Variants in NLGN1 observed in about 807,000 individuals in gnomAD.
NLGN1 encodes the protein neuroligin 1.
Under a neutral mutation model 65.5 loss-of-function variants are expected in NLGN1, and 12 were observed. The ratio of observed to expected loss-of-function variants is 0.18; its 90% confidence interval spans 0.12 to 0.30. NLGN1 has a LOEUF of 0.30. Ranked by LOEUF, NLGN1 falls within the 10% of genes least tolerant of loss-of-function variation. The pLI, the probability that NLGN1 is intolerant of heterozygous loss-of-function variation, is 1.00. For synonymous variants in NLGN1, 350 were observed against 359.5 expected (o/e 0.97, Z 0.30); for missense variants, 750 against 1,007.1 (o/e 0.74, Z 3.46).
intron 4 of NLGN1, among the ~76,000 whole-genome samples, chr3:174,080,640 G>A (rs1245088626): frequency 3.3e-5 from 5 of 151,922 alleles, no homozygotes; most frequent in African/African-American, 4.8e-5. Context: ...CTTACCAGTC[G>A]TTCCGAGAAG....
intron 3 of NLGN1, among the ~76,000 whole-genome samples, chr3:173,671,937 G>A (rs967436077): frequency 7.2e-5 from 11 of 152,180 alleles, no homozygotes; most frequent in South Asian, 4.1e-4. Flanking sequence ...CACTTTGGGA[G>A]GCCGAGGTGG....
At chr3:173,933,728 C>T (rs1047914911) in intron 4 of NLGN1, among the ~76,000 whole-genome samples, 2 of 152,030 alleles carry the variant, frequency 1.3e-5, no homozygotes, top group African/African-American at 4.8e-5. Flanking sequence ...ATTTTATTTA[C>T]TTTCCCCTAA....
At chr3:173,910,113 C>G (rs907361987) in intron 4 of NLGN1, among the ~76,000 whole-genome samples, 2 of 152,182 alleles carry the variant, frequency 1.3e-5, no homozygotes, top group African/African-American at 4.8e-5. Context: ...GTTGTTCATG[C>G]TCAGTTTCTT....
At chr3:174,234,984 C>T (rs1349535868) in intron 4 of NLGN1, among the ~76,000 whole-genome samples, 1 of 80,620 alleles carries the variant, frequency 1.2e-5, no homozygotes, top group Non-Finnish European at 2.1e-5. Flanking sequence ...AAAGGAATCA[C>T]CTTTTTTTTT....
intron 2 of NLGN1, among the ~76,000 whole-genome samples, chr3:173,499,235 G>T (rs1485137875): frequency 1.3e-5 from 2 of 151,806 alleles, no homozygotes; most frequent in Non-Finnish European, 2.9e-5. Flanking sequence ...TTTTGTATAA[G>T]GTATAAGGAA....
chr3:173,941,570 A>G (rs1030329297), intron 4 of NLGN1, among the ~76,000 whole-genome samples: 1 of 152,032 alleles, frequency 6.6e-6, no homozygotes, highest in Non-Finnish European at 1.5e-5. Context: ...ACCTCATCAA[A>G]ACGCATTATT....
intron 4 of NLGN1, among the ~76,000 whole-genome samples, chr3:174,153,371 A>G (rs927707411): frequency 3.3e-5 from 5 of 152,144 alleles, no homozygotes; most frequent in Non-Finnish European, 7.4e-5. Flanking sequence ...GTGAAGGTGG[A>G]CATGATATTC....
intron 4 of NLGN1, among the ~76,000 whole-genome samples, chr3:174,116,956 T>C (rs1185484094): frequency 1.3e-5 from 2 of 152,168 alleles, no homozygotes; most frequent in Non-Finnish European, 2.9e-5. Flanking sequence ...TCTTATAATT[T>C]AATAATACAT....
chr3:174,149,782 G>A (rs190288655), intron 4 of NLGN1, among the ~76,000 whole-genome samples: 1 of 152,204 alleles, frequency 6.6e-6, no homozygotes, highest in African/African-American at 2.4e-5. Flanking sequence ...AAATTGAGTA[G>A]CATAGAAAAC....
intron 4 of NLGN1, among the ~76,000 whole-genome samples, chr3:174,106,573 T>C (rs1280204213): frequency 6.6e-6 from 1 of 152,158 alleles, no homozygotes; most frequent in Non-Finnish European, 1.5e-5. Context: ...TAGATCTATA[T>C]GCAATTGTAA....
intron 3 of NLGN1, among the ~76,000 whole-genome samples, chr3:173,694,142 C>T (rs1276437935): frequency 6.6e-6 from 1 of 152,062 alleles, no homozygotes; most frequent in Admixed American, 6.6e-5. Context: ...ATTTATATTG[C>T]TTGTTGCTGG....
At chr3:173,561,690 A>G (rs904304927) in intron 2 of NLGN1, among the ~76,000 whole-genome samples, 4 of 152,212 alleles carry the variant, frequency 2.6e-5, no homozygotes, top group Non-Finnish European at 5.9e-5. Flanking sequence ...CTCCAAATAA[A>G]TATTTATTAC....
At position 174,146,125 on chromosome 3, in the gene NLGN1, CT is replaced by C. The variant is rs1195658772; in HGVS notation, c.647-129188del. On this transcript the variant is annotated intron_variant, in intron 4 of 6. Coordinates refer to ENST00000457714, the Ensembl canonical transcript of NLGN1. ...CCTTCCTTCCTTCCTTCCTTCCTTCCTTCCTTCCTTCCTTCCTTCCTTCCTT... is the reference window on the plus strand; with the variant it reads ...CCTTCCTTCCTTCCTTCCTTCCTTCCTCCTTCCTTCCTTCCTTCCTTCCTT... Among the ~76,000 whole-genome samples, 1,493 of 150,040 alleles carry C rather than the reference CT, an allele frequency of 1.0e-2. 33 individuals carry two copies. Among genetic ancestry groups the C allele is most frequent in the African/African-American group, 0.034 (1,394 of 40,778 alleles).
intron 4 of NLGN1, among the ~76,000 whole-genome samples, chr3:173,998,528 A>T (rs998240530): frequency 6.6e-6 from 1 of 152,228 alleles, no homozygotes; most frequent in Non-Finnish European, 1.5e-5. Flanking sequence ...CATCACTTTT[A>T]TTAAAGCCCA....
intron 4 of NLGN1, among the ~76,000 whole-genome samples, chr3:174,037,475 A>G (rs532099918): frequency 6.6e-6 from 1 of 152,332 alleles, no homozygotes; most frequent in East Asian, 1.9e-4. Flanking sequence ...TTGATGTTAG[A>G]GAACACGATG....
chr3:173,632,021 A>G (rs1296277408), intron 3 of NLGN1, among the ~76,000 whole-genome samples: 1 of 152,114 alleles, frequency 6.6e-6, no homozygotes, highest in African/African-American at 2.4e-5. Flanking sequence ...TATAATAGAA[A>G]TGCTGCCGTA....
At chr3:174,030,058 T>C (rs1321472113) in intron 4 of NLGN1, among the ~76,000 whole-genome samples, 2 of 152,064 alleles carry the variant, frequency 1.3e-5, no homozygotes, top group Non-Finnish European at 2.9e-5. Flanking sequence ...ATCAATACAA[T>C]TTTATGGCAC....
chr3:173,657,877 A>G (rs569428995), intron 3 of NLGN1, among the ~76,000 whole-genome samples: 1 of 151,494 alleles, frequency 6.6e-6, no homozygotes, highest in African/African-American at 2.4e-5. Flanking sequence ...TTTTCTTATG[A>G]CTCTCCTTTT....
chr3:173,483,464 A>C (rs1203877258), intron 2 of NLGN1, among the ~76,000 whole-genome samples: 1 of 152,074 alleles, frequency 6.6e-6, no homozygotes, highest in Admixed American at 6.6e-5. Context: ...ATGTTATTCT[A>C]CTAGTCCCAC....
Sources: gnomAD v4.1 joint callset for allele counts (sites outside exome capture counted in the v4.1 genomes callset) on GRCh38, gnomAD v4.1.1 for gene constraint, MANE v1.5 for transcripts, NCBI Gene and HGNC (gene_info 2026-07-23, HGNC 2026-07-21) for gene names.